Variants in KIAA1217 observed in about 807,000 individuals in gnomAD.
The protein encoded by KIAA1217 is KIAA1217, also known as sickle tail protein homolog.
In KIAA1217, 88 loss-of-function variants were observed where a neutral mutation model predicts 163.9. The ratio of observed to expected loss-of-function variants is 0.54; its 90% CI spans 0.45 to 0.64. The LOEUF (loss-of-function observed/expected upper bound fraction) is 0.64. Ranked by LOEUF, KIAA1217 falls within the 30% of genes least tolerant of loss-of-function variation. The pLI is 0.00. For missense variants in KIAA1217, 2,372 were observed against 2,475.0 expected, an observed-to-expected ratio of 0.96 and a Z score of 0.88; for synonymous variants, 903 against 923.1, an observed-to-expected ratio of 0.98 and a Z score of 0.39.
chr10:24,259,676 G>A (rs1262385247), intron 2 of KIAA1217, among the ~76,000 whole-genome samples: 1 of 152,190 alleles, frequency 6.6e-6, no homozygotes, highest in Non-Finnish European at 1.5e-5. Context: ...CTTCTGGAAA[G>A]TCCTGGAGCC....
At chr10:23,970,913 G>A (rs1029596394) in intron 1 of KIAA1217, among the ~76,000 whole-genome samples, 1 of 152,206 alleles carries the variant, frequency 6.6e-6, no homozygotes, top group Non-Finnish European at 1.5e-5. Flanking sequence ...GGGGGATAAG[G>A]CAGAGTGAGG....
intron 6 of KIAA1217, among the ~76,000 whole-genome samples, chr10:24,484,439 G>A (rs530125745): frequency 6.6e-6 from 1 of 151,566 alleles, no homozygotes; most frequent in African/African-American, 2.4e-5. Flanking sequence ...TAGAGACAAG[G>A]TTTCACCATG....
At chr10:23,792,316 A>G (rs927168457) in intron 1 of KIAA1217, among the ~76,000 whole-genome samples, 6 of 152,202 alleles carry the variant, frequency 3.9e-5, no homozygotes, top group Non-Finnish European at 7.3e-5. Context: ...GGAAAACTAC[A>G]GTGAATCCTT....
At chr10:23,946,259 C>T (rs1844034653) in intron 1 of KIAA1217, among the ~76,000 whole-genome samples, 1 of 127,818 alleles carries the variant, frequency 7.8e-6, no homozygotes, top group Non-Finnish European at 1.5e-5. Context: ...TCCAATGTCT[C>T]TTCCGTTTAA....
intron 5 of KIAA1217, among the ~76,000 whole-genome samples, chr10:24,448,409 G>A (rs1358755466): frequency 6.6e-6 from 1 of 151,984 alleles, no homozygotes; most frequent in East Asian, 1.9e-4. Flanking sequence ...TATTTTGAAG[G>A]CAGGGTCTTG....
At chr10:24,303,603 T>A (rs533730681) in intron 2 of KIAA1217, among the ~76,000 whole-genome samples, 43 of 152,188 alleles carry the variant, frequency 2.8e-4, no homozygotes, top group Non-Finnish European at 5.1e-4. Flanking sequence ...GGATTCCTGA[T>A]GTCATTTACA....
At chr10:24,343,432 G>A (rs1169913508) in intron 2 of KIAA1217, among the ~76,000 whole-genome samples, 2 of 152,122 alleles carry the variant, frequency 1.3e-5, no homozygotes, top group Non-Finnish European at 2.9e-5. Context: ...GCTCCAGTTT[G>A]TGTTTTTACC....
At chr10:23,747,510 C>A (rs1168362255) in intron 1 of KIAA1217, among the ~76,000 whole-genome samples, 1 of 152,058 alleles carries the variant, frequency 6.6e-6, no homozygotes, top group Non-Finnish European at 1.5e-5. Context: ...CACACATGAG[C>A]CTCTTGAGTA....
At chr10:24,395,155 T>C (rs550027256) in intron 3 of KIAA1217, among the ~76,000 whole-genome samples, 1 of 152,214 alleles carries the variant, frequency 6.6e-6, no homozygotes, top group African/African-American at 2.4e-5. Flanking sequence ...AATAGAAAGT[T>C]GTCATTTTAC....
At chr10:23,803,381 AG>A (rs1415186490) in intron 1 of KIAA1217, among the ~76,000 whole-genome samples, 1 of 152,192 alleles carries the variant, frequency 6.6e-6, no homozygotes, top group Non-Finnish European at 1.5e-5. Flanking sequence ...GCCCCACACC[AG>A]GGGCAGCCCC....
intron 2 of KIAA1217, among the ~76,000 whole-genome samples, chr10:24,324,041 A>T (rs565892966): frequency 3.3e-4 from 49 of 150,548 alleles, no homozygotes; most frequent in East Asian, 3.9e-4. Context: ...CCAAGGTGGG[A>T]GGATTGCTTG....
intron 1 of KIAA1217, among the ~76,000 whole-genome samples, chr10:23,758,403 C>G (rs896115643): frequency 6.6e-6 from 1 of 152,056 alleles, no homozygotes; most frequent in Non-Finnish European, 1.5e-5. Flanking sequence ...CTGTTGTATT[C>G]CATTGGTCTG....
chr10:24,166,139 G>A (rs372858371), intron 2 of KIAA1217, among the ~76,000 whole-genome samples: 2 of 151,610 alleles, frequency 1.3e-5, no homozygotes, highest in African/African-American at 4.8e-5. Context: ...AAATTTCAAG[G>A]ATACTTTTTA....
chr10:24,453,631 A>G (rs2061551190), intron 5 of KIAA1217, among the ~76,000 whole-genome samples: 1 of 152,256 alleles, frequency 6.6e-6, no homozygotes, highest in South Asian at 2.1e-4. Flanking sequence ...TTGCTGTGGC[A>G]AATAGCTCCT....
chr10:24,390,473 G>GA (rs1206841345), intron 3 of KIAA1217, among the ~76,000 whole-genome samples: 2 of 127,306 alleles, frequency 1.6e-5, no homozygotes, highest in South Asian at 3.6e-4. Flanking sequence ...GGGAGGGAGG[G>GA]AGGGAAGGAA....
chr10:24,211,595 T>TATTGTATTG (rs1564836416), intron 1 of KIAA1217, among the ~76,000 whole-genome samples: 67 of 139,646 alleles, frequency 4.8e-4, no homozygotes, highest in East Asian at 1.3e-3. Flanking sequence ...GTATTGTATT[T>TATTGTATTG]TATTTTATTT....
At chr10:24,005,992 G>T (rs539295302) in intron 1 of KIAA1217, among the ~76,000 whole-genome samples, 1 of 152,064 alleles carries the variant, frequency 6.6e-6, no homozygotes, top group Non-Finnish European at 1.5e-5. Flanking sequence ...AAATGGTTTC[G>T]CCAGGAACCT....
intron 2 of KIAA1217, among the ~76,000 whole-genome samples, chr10:24,171,768 C>T (rs1228818327): frequency 6.6e-6 from 1 of 151,722 alleles, no homozygotes; most frequent in Non-Finnish European, 1.5e-5. Flanking sequence ...GACTGGACAA[C>T]AAGAGCAAAA....
intron 2 of KIAA1217, among the ~76,000 whole-genome samples, chr10:24,151,971 A>G (rs894499680): frequency 1.3e-5 from 2 of 152,150 alleles, no homozygotes; most frequent in African/African-American, 4.8e-5. Context: ...ATGTTTGAAT[A>G]TCCAAAGGTA....
Sources: gnomAD v4.1 joint callset for allele counts (sites outside exome capture counted in the v4.1 genomes callset) on GRCh38, gnomAD v4.1.1 for gene constraint, MANE v1.5 for transcripts, NCBI Gene and HGNC (gene_info 2026-07-23, HGNC 2026-07-21) for gene names.